The following PIBF1 variants were observed in gnomAD, a reference collection of about 807,000 sequenced individuals.
PIBF1 encodes progesterone-induced-blocking factor 1.
In PIBF1, 90 loss-of-function variants were observed where a neutral mutation model predicts 112.5. The observed-to-expected ratio is 0.80, with a 90% CI of 0.67 to 0.95. The LOEUF (loss-of-function observed/expected upper bound fraction) is 0.95. Among genes scored for constraint, PIBF1 ranks in the 40% least tolerant of loss-of-function variants. The pLI, the probability that PIBF1 is intolerant of heterozygous loss-of-function variation, is 0.00. For synonymous variants in PIBF1, 301 were observed against 288.6 expected (o/e 1.04, Z -0.44); for missense variants, 915 against 852.3 (o/e 1.07, Z -0.92).
intron 16 of PIBF1, among the ~76,000 whole-genome samples, chr13:72,995,177 C>T (rs921730797): frequency 6.6e-6 from 1 of 151,624 alleles, no homozygotes; most frequent in Non-Finnish European, 1.5e-5. Context: ...TAGTGGGCAC[C>T]TGTAATCCCA....
chr13:73,008,135 T>A (rs1294031973), intron 17 of PIBF1, among the ~76,000 whole-genome samples: 1 of 152,238 alleles, frequency 6.6e-6, no homozygotes, highest in Non-Finnish European at 1.5e-5. Flanking sequence ...TATGCTAATG[T>A]AATTAACAGA....
At chr13:72,958,674 G>C (rs2042522476) in intron 14 of PIBF1, among the ~76,000 whole-genome samples, 1 of 152,164 alleles carries the variant, frequency 6.6e-6, no homozygotes, top group Non-Finnish European at 1.5e-5. Context: ...GGTCATACCT[G>C]AGACACAGAG....
chr13:72,972,169 G>A (rs2042912230), intron 15 of PIBF1, among the ~76,000 whole-genome samples: 1 of 151,704 alleles, frequency 6.6e-6, no homozygotes, highest in Non-Finnish European at 1.5e-5. Flanking sequence ...ATGTAGCTGG[G>A]ACTAAAGGTG....
chr13:72,959,353 A>T (rs368865195), intron 14 of PIBF1, among the ~76,000 whole-genome samples: 16 of 152,272 alleles, frequency 1.1e-4, no homozygotes, highest in East Asian at 5.8e-4. Flanking sequence ...GAGAAGTTGT[A>T]CCAAAGTGTT....
intron 2 of PIBF1, among the ~76,000 whole-genome samples, chr13:72,784,161 C>G (rs939390921): frequency 6.7e-6 from 1 of 149,828 alleles, no homozygotes; most frequent in African/African-American, 2.5e-5. Flanking sequence ...ACGTATACTT[C>G]AAAACATTAT....
At chr13:72,900,970 C>T (rs780466960) in intron 11 of PIBF1, 5 of 341,614 alleles carry the variant, frequency 1.5e-5, no homozygotes, top group African/African-American at 6.6e-5. Flanking sequence ...TGCAGTGAAC[C>T]GAGATTGCGC....
At chr13:72,949,728 A>C (rs1300576421) in intron 14 of PIBF1, among the ~76,000 whole-genome samples, 1 of 152,188 alleles carries the variant, frequency 6.6e-6, no homozygotes, top group Non-Finnish European at 1.5e-5. Flanking sequence ...TGTATCTGAA[A>C]CAATATCCTT....
intron 10 of PIBF1, among the ~76,000 whole-genome samples, chr13:72,883,847 A>G (rs535480711): frequency 1.4e-4 from 22 of 152,294 alleles, no homozygotes; most frequent in African/African-American, 5.3e-4. Flanking sequence ...TAATCCCAGC[A>G]CTTTGGGAGG....
chr13:72,965,463 T>G, intron 15 of PIBF1, 59 bp downstream of exon 15: 1 of 1,367,666 alleles, frequency 7.3e-7, no homozygotes. Flanking sequence ...ATATTGCTGC[T>G]GTAGGTGAAT....
At chr13:72,848,800 C>G (rs190920549) in intron 9 of PIBF1, among the ~76,000 whole-genome samples, 1 of 151,492 alleles carries the variant, frequency 6.6e-6, no homozygotes, top group African/African-American at 2.4e-5. Flanking sequence ...CCACTGCACT[C>G]CAGCTTGGGT....
chr13:72,894,000 A>G, intron 11 of PIBF1, 51 bp downstream of exon 11: 1 of 1,064,998 alleles, frequency 9.4e-7, no homozygotes, highest in South Asian at 1.7e-5. Context: ...TAAACTCCCT[A>G]AGTACAAGAT....
chr13:72,782,159 A>G lies in PIBF1; in HGVS notation c.-238A>G, dbSNP rs907494048. On this transcript the variant is annotated 5_prime_UTR_variant, in exon 1 of 18. Transcript: ENST00000326291. ...GAGTTGACTTCCGGCGGCTTGTGGG[A>G]GTGCTGGTTCTGTCCTCCTTGCGGG... 3.5e-6 allele frequency: 1 copy of G among 289,768 alleles called. No homozygotes were observed. The highest frequency in any genetic ancestry group is 2.2e-5 in the African/African-American group (1 of 46,156). The allele number at this position is 289,768 out of a possible 1,614,324, so 17.9% of individuals were successfully genotyped here.
chr13:72,923,797 T>G (rs1170612760), intron 13 of PIBF1, among the ~76,000 whole-genome samples: 2 of 152,148 alleles, frequency 1.3e-5, no homozygotes, highest in Admixed American at 1.3e-4. Flanking sequence ...AAACCCCACC[T>G]CTACTAAAAA....
At chr13:72,901,650 A>T (rs1594157522) in intron 11 of PIBF1, among the ~76,000 whole-genome samples, 1 of 151,156 alleles carries the variant, frequency 6.6e-6, no homozygotes, top group Admixed American at 6.6e-5. Context: ...ATGCCACTAC[A>T]CTCCAGCCTG....
intron 2 of PIBF1, among the ~76,000 whole-genome samples, chr13:72,784,886 G>A (rs111601975): frequency 0.022 from 3,279 of 151,978 alleles, 136 homozygotes; most frequent in African/African-American, 0.075. Context: ...TTTTGTTGTT[G>A]TTGTTGGAGA....
At chr13:73,011,107 G>A (rs866596662) in intron 17 of PIBF1, among the ~76,000 whole-genome samples, 8 of 152,006 alleles carry the variant, frequency 5.3e-5, no homozygotes, top group South Asian at 2.1e-4. Context: ...GATTACAGGC[G>A]TGAGCCACCA....
At chr13:72,879,618 G>A (rs545257247) in intron 10 of PIBF1, among the ~76,000 whole-genome samples, 2 of 152,304 alleles carry the variant, frequency 1.3e-5, no homozygotes, top group African/African-American at 4.8e-5. Context: ...ATTCCAAGCA[G>A]CAATAAGAGC....
At chr13:72,826,675 C>T (rs2036826939) in intron 6 of PIBF1, among the ~76,000 whole-genome samples, 1 of 151,804 alleles carries the variant, frequency 6.6e-6, no homozygotes, top group Admixed American at 6.6e-5. Flanking sequence ...GCCATGTATA[C>T]ATTCTTTAAA....
rs979833320 is a variant in PIBF1 at position 72,853,806 on chromosome 13, A to G, written c.1224-251A>G. 4.6e-5 allele frequency among the ~76,000 whole-genome samples: 7 copies of G among 152,186 alleles called. No individual in the cohort carries two copies. In the East Asian group the frequency reaches 1.2e-3, roughly 25 times the overall value. On this transcript the variant is annotated intron_variant, in intron 9 of 17. Coordinates refer to ENST00000326291, the MANE Select transcript of PIBF1 (RefSeq NM_006346.4). ...AAGGAATACATAAATTACTATATAT[A>G]CAAACTGGTTAGCCAACCCTTTGAC... is the stretch of plus-strand genomic sequence containing the variant.
Sources: allele counts gnomAD v4.1 joint callset (sites outside exome capture counted in the v4.1 genomes callset), GRCh38; gene constraint gnomAD v4.1.1; transcripts MANE v1.5; gene names NCBI Gene and HGNC (gene_info 2026-07-23, HGNC 2026-07-21).